The following SMOC1 variants were observed in gnomAD, a reference collection of about 807,000 sequenced individuals.
SMOC1 encodes SPARC-related modular calcium-binding protein 1.
In SMOC1, 22 loss-of-function variants were observed where a neutral mutation model predicts 56.3. The observed-to-expected ratio is 0.39, with a 90% confidence interval of 0.28 to 0.56. The LOEUF (loss-of-function observed/expected upper bound fraction) is 0.56, where lower values mean the gene tolerates loss of function less well. SMOC1 is among the 20% of genes least tolerant of loss of function. SMOC1 has a pLI of 0.61. For synonymous variants in SMOC1, 193 were observed against 215.0 expected (o/e 0.90, Z 0.89); for missense variants, 509 against 565.4 (o/e 0.90, Z 1.01).
intron 6 of SMOC1, among the ~76,000 whole-genome samples, chr14:69,993,695 T>C (rs576329574): frequency 2.8e-4 from 42 of 152,306 alleles, no homozygotes; most frequent in African/African-American, 9.1e-4. Flanking sequence ...GTCTCTGTGA[T>C]CCACAAAGGT....
intron 1 of SMOC1, among the ~76,000 whole-genome samples, chr14:69,935,852 C>T (rs1302381985): frequency 2.6e-5 from 4 of 152,254 alleles, no homozygotes; most frequent in Non-Finnish European, 4.4e-5. Context: ...CCTGCAGATC[C>T]TGTGCCTAGC....
At chr14:69,916,974 C>T (rs1884702705) in intron 1 of SMOC1, among the ~76,000 whole-genome samples, 1 of 152,216 alleles carries the variant, frequency 6.6e-6, no homozygotes, top group African/African-American at 2.4e-5. Context: ...GATGAATTCT[C>T]ATTTCTCAGA....
At chr14:70,015,472 C>T (rs1305191514) in intron 10 of SMOC1, among the ~76,000 whole-genome samples, 2 of 148,456 alleles carry the variant, frequency 1.3e-5, no homozygotes, top group South Asian at 2.1e-4. Flanking sequence ...AAAAAAAAAA[C>T]GAAAGAAGAA....
At chr14:69,951,415 T>C (rs1882991875) in intron 1 of SMOC1, among the ~76,000 whole-genome samples, 1 of 152,240 alleles carries the variant, frequency 6.6e-6, no homozygotes, top group South Asian at 2.1e-4. Flanking sequence ...TGCATAAGAA[T>C]GTATCAGAGT....
intron 10 of SMOC1, among the ~76,000 whole-genome samples, chr14:70,022,679 GCT>G (rs1207064847): frequency 6.6e-6 from 1 of 152,140 alleles, no homozygotes; most frequent in Non-Finnish European, 1.5e-5. Context: ...CACCTTTTTG[GCT>G]CTGTCTCATA....
chr14:69,992,009 T>C (rs1594843006), intron 5 of SMOC1, among the ~76,000 whole-genome samples: 1 of 152,106 alleles, frequency 6.6e-6, no homozygotes, highest in African/African-American at 2.4e-5. Context: ...GACACCATAA[T>C]TTGATGCCAT....
At chr14:69,950,432 T>G (rs1882950258) in intron 1 of SMOC1, among the ~76,000 whole-genome samples, 1 of 152,214 alleles carries the variant, frequency 6.6e-6, no homozygotes, top group Admixed American at 6.5e-5. Flanking sequence ...TCTCATCTAT[T>G]TGCTTCACAC....
chr14:69,969,081 G>A (rs1369453330), intron 3 of SMOC1, among the ~76,000 whole-genome samples: 1 of 152,162 alleles, frequency 6.6e-6, no homozygotes, highest in Non-Finnish European at 1.5e-5. Context: ...TGAACTGAGA[G>A]CCTGATATCT....
intron 1 of SMOC1, among the ~76,000 whole-genome samples, chr14:69,950,083 T>C (rs1267545085): frequency 4.6e-5 from 7 of 152,326 alleles, no homozygotes; most frequent in East Asian, 1.9e-4. Flanking sequence ...ATATTTCCCT[T>C]TGGGCCCTGG....
At chr14:70,018,885 G>A (rs1885613564) in intron 10 of SMOC1, among the ~76,000 whole-genome samples, 1 of 152,336 alleles carries the variant, frequency 6.6e-6, no homozygotes, top group Non-Finnish European at 1.5e-5. Context: ...AGCCGCACCC[G>A]CACAGCTGGC....
At chr14:69,942,241 C>G (rs1332731144) in intron 1 of SMOC1, among the ~76,000 whole-genome samples, 2 of 151,620 alleles carry the variant, frequency 1.3e-5, no homozygotes, top group African/African-American at 2.4e-5. Flanking sequence ...GGCCTGTGTT[C>G]TTGTTTATTT....
Position 70,016,656 on chromosome 14 carries a change from C to T in SMOC1, c.1046+3165C>T, listed in dbSNP as rs78880148. ...GACCTGGGCTGGCCCTTCAGGACAA[C>T]TTTGCCGGCCCCACCTCTCCTCACA... On this transcript the variant is annotated intron_variant, in intron 10 of 11. Coordinates refer to ENST00000361956, the MANE Select transcript of SMOC1 (RefSeq NM_001034852.3). Among the ~76,000 whole-genome samples the T allele has an allele frequency of 5.2e-4, 79 of 152,322 alleles. 2 individuals carry two copies. In the East Asian group the frequency reaches 0.012, roughly 23 times the overall value.
intron 1 of SMOC1, chr14:69,885,682 C>G: frequency 6.9e-7 from 1 of 1,450,636 alleles, no homozygotes; most frequent in Non-Finnish European, 9.7e-7. Context: ...TCACCACCAG[C>G]TGAGCTTTCT....
intron 5 of SMOC1, among the ~76,000 whole-genome samples, chr14:69,979,155 C>A (rs892914282): frequency 2.0e-5 from 3 of 152,106 alleles, no homozygotes; most frequent in Non-Finnish European, 4.4e-5. Flanking sequence ...CCTGCACACA[C>A]AGTTGCAGGG....
chr14:69,879,724 C>A lies in SMOC1; in HGVS notation c.46C>A (p.Leu16Met), dbSNP rs2139275207. 1 of 1,591,178 alleles carries A rather than the reference C, an allele frequency of 6.3e-7. No individual in the cohort carries two copies. Among genetic ancestry groups the A allele is most frequent in the Non-Finnish European group, 8.5e-7 (1 of 1,175,994 alleles). The change falls in exon 1 of 12, where the codon CTG becomes ATG. Residue 16 changes from leucine to methionine, a missense_variant. Around this residue, in one of 3 missense-constraint regions of SMOC1, gnomAD observed 315 missense variants for 333.1 expected, o/e 0.95. Transcript: ENST00000361956. ...CARLLTPHLL[L>M]VLVQLSPARG... ...CCGCCTGCTCACGCCCCACTTGCTG[C>A]TGGTGTTGGTGCAGCTGTCCCCTGC...
At chr14:69,990,787 C>T (rs1419711643) in intron 5 of SMOC1, among the ~76,000 whole-genome samples, 1 of 152,172 alleles carries the variant, frequency 6.6e-6, no homozygotes, top group Admixed American at 6.5e-5. Context: ...CCTGCTACAT[C>T]TCATTTCTTG....
In SMOC1 at chr14:69,879,624, C is replaced by CCCCGCGGAG. The variant is rs1228605670; in HGVS notation, c.-48_-40dup. 2.2e-6 allele frequency: 3 copies of CCCCGCGGAG among 1,341,342 alleles called. No individual in the cohort carries two copies. In the East Asian group the frequency reaches 9.3e-5, roughly 42 times the overall value. The allele number at this position is 1,341,342 out of a possible 1,614,324, so 83.1% of individuals were successfully genotyped here. A position where few individuals can be genotyped will look rare whatever the true frequency, so the allele number is the denominator to read the frequency against. ...GGAAGGAAGGGAGGCGCGCTGTGCG[C>CCCCGCGGAG]CCCGCGGAGCCCGCGAACCCCGCTC... On this transcript the variant is annotated 5_prime_UTR_variant, in exon 1 of 12. Coordinates refer to ENST00000361956, the MANE Select transcript of SMOC1 (RefSeq NM_001034852.3).
At chr14:70,003,188 A>T (rs1459703) in intron 7 of SMOC1, among the ~76,000 whole-genome samples, 4,645 of 152,276 alleles carry the variant, frequency 0.031, 126 homozygotes, top group Middle Eastern at 0.14. Flanking sequence ...ATTTTTGATA[A>T]GAGACTAGGT....
intron 1 of SMOC1, among the ~76,000 whole-genome samples, chr14:69,932,422 C>G (rs995337530): frequency 9.8e-5 from 15 of 152,336 alleles, no homozygotes; most frequent in African/African-American, 3.6e-4. Flanking sequence ...CCTCCTGTCC[C>G]TGGGGCTGGG....
Sources: allele counts gnomAD v4.1 joint callset (sites outside exome capture counted in the v4.1 genomes callset), GRCh38; gene constraint gnomAD v4.1.1; regional missense constraint gnomAD v4.1.1; transcripts MANE v1.5; gene names NCBI Gene and HGNC (gene_info 2026-07-23, HGNC 2026-07-21).